KATNIP: variants seen among roughly 807,000 people sequenced by gnomAD.
KATNIP encodes katanin-interacting protein.
KATNIP carries 126 observed loss-of-function variants against 174.0 expected under a neutral mutation model. The observed-to-expected ratio is 0.72, with a 90% CI of 0.63 to 0.84. The LOEUF is 0.84. Among genes scored for constraint, KATNIP ranks in the 40% least tolerant of loss-of-function variants. The probability of loss-of-function intolerance (pLI) is 0.00; values close to 1 mark genes in which losing one functional copy is unlikely to be tolerated. For synonymous variants in KATNIP, 810 were observed against 835.7 expected (o/e 0.97, Z 0.53); for missense variants, 1,958 against 2,109.7 (o/e 0.93, Z 1.41).
rs1289039745 is a variant in KATNIP, at chr16:27,761,344, C to T, written c.3632-69C>T. Reference sequence around the variant, plus strand: ...ATAGAGGCCGAATAGCATTCCTCTTCCTGTCTTCATTTTAGATGCCTCCTC... The same window carrying T: ...ATAGAGGCCGAATAGCATTCCTCTTTCTGTCTTCATTTTAGATGCCTCCTC... On this transcript the variant is annotated intron_variant, in intron 18 of 27. Transcript: ENST00000261588. The T allele has an allele frequency of 2.8e-5, 41 of 1,458,140 alleles. No individual in the cohort carries two copies. The Admixed American group carries it at 8.0e-4, about 28-fold the overall frequency. The allele number at this position is 1,458,140 out of a possible 1,614,324, so 90.3% of individuals were successfully genotyped here. A position where few individuals can be genotyped will look rare whatever the true frequency, so the allele number is the denominator to read the frequency against.
chr16:27,660,315 A>G (rs1190643450), intron 6 of KATNIP, among the ~76,000 whole-genome samples: 2 of 152,184 alleles, frequency 1.3e-5, no homozygotes, highest in Non-Finnish European at 2.9e-5. Context: ...TTGGGAGGCC[A>G]AGGTGGGCGG....
chr16:27,677,852 C>T lies in KATNIP; in HGVS notation c.664C>T (p.Leu222=). Residue 222 remains leucine (L), a synonymous_variant, in exon 7 of 28, where the codon CTG becomes TTG. Transcript: ENST00000261588. The part of the protein sequence containing the change: ...LSEPEPEDPA[L]VGHPRHDRPP... Reference sequence around the variant, plus strand: ...TGAGCCTGAGCCAGAGGACCCGGCACTGGTGGGCCATCCCAGACATGACCG... The same window carrying T: ...TGAGCCTGAGCCAGAGGACCCGGCATTGGTGGGCCATCCCAGACATGACCG... The T allele has an allele frequency of 1.2e-6, 2 of 1,614,254 alleles. No homozygotes were observed. The highest frequency in any genetic ancestry group is 2.2e-5 in the South Asian group (2 of 91,082).
chr16:27,641,031 G>A (rs142527453), intron 5 of KATNIP, among the ~76,000 whole-genome samples: 38 of 152,072 alleles, frequency 2.5e-4, no homozygotes, highest in Non-Finnish European at 4.7e-4. Context: ...CCAGCTACTC[G>A]GGAGGCCGAG....
chr16:27,764,067 A>G (rs1055197524), intron 19 of KATNIP, among the ~76,000 whole-genome samples: 2 of 152,220 alleles, frequency 1.3e-5, no homozygotes, highest in Non-Finnish European at 2.9e-5. Context: ...GGCGAAGTCC[A>G]TTAATTCATT....
At chr16:27,713,806 A>G (rs374139362) in intron 13 of KATNIP, among the ~76,000 whole-genome samples, 6,151 of 54,234 alleles carry the variant, frequency 0.11, 530 homozygotes, top group African/African-American at 0.18. Flanking sequence ...GTGTGTGTAT[A>G]TACATATATA....
intron 18 of KATNIP, chr16:27,757,370 CAG>C: frequency 5.8e-6 from 2 of 344,856 alleles, no homozygotes; most frequent in Non-Finnish European, 8.2e-6. Flanking sequence ...GCCACCCAAA[CAG>C]TGTGGACCGA....
At chr16:27,593,332 G>A (rs1169418286) in intron 2 of KATNIP, among the ~76,000 whole-genome samples, 3 of 148,618 alleles carry the variant, frequency 2.0e-5, no homozygotes, top group Non-Finnish European at 4.4e-5. Flanking sequence ...TCCACCTCCC[G>A]GGTTCAAGCA....
At chr16:27,603,411 AT>A (rs2075598003) in intron 2 of KATNIP, among the ~76,000 whole-genome samples, 1 of 152,210 alleles carries the variant, frequency 6.6e-6, no homozygotes, top group Non-Finnish European at 1.5e-5. Context: ...GACCAAGGGC[AT>A]TTTGGAGGTG....
At chr16:27,655,400 ATTATTTAT>A (rs557649469) in intron 6 of KATNIP, among the ~76,000 whole-genome samples, 9 of 148,586 alleles carry the variant, frequency 6.1e-5, no homozygotes, top group African/African-American at 2.0e-4. Context: ...TGTCCAGCCA[ATTATTTAT>A]TTATTTATTT....
intron 13 of KATNIP, among the ~76,000 whole-genome samples, chr16:27,709,902 G>A (rs935033544): frequency 2.6e-5 from 4 of 152,170 alleles, no homozygotes; most frequent in African/African-American, 9.7e-5. Flanking sequence ...ACTACAGCTT[G>A]GAGAAGGGCA....
Position 27,749,993 on chromosome 16 carries a change from A to G in KATNIP, c.3033A>G (p.Ile1011Met), listed in dbSNP as rs528984867. 71 of 1,614,172 alleles carry G rather than the reference A, an allele frequency of 4.4e-5. No homozygotes were observed. The South Asian group carries it at 7.2e-4, about 16-fold the overall frequency. The stretch of plus-strand genomic sequence containing the variant: ...GTGAACCGGTGCAGATTTCAAACAT[A>G]AAAGCAGACCCTCCCGATATCAATA... The part of the protein sequence containing the change: ...SKGEPVQISN[I>M]KADPPDINIL... The change falls in exon 16 of 28, where the codon ATA (isoleucine) becomes ATG (methionine). Residue 1011 changes from isoleucine to methionine, a missense_variant. Ile to Met is a conservative substitution (Grantham distance 10). Coordinates refer to ENST00000261588, the MANE Select transcript of KATNIP (RefSeq NM_015202.5).
rs543710088 is a variant in KATNIP at position 27,605,355 on chromosome 16, A to C, written c.64-13070A>C. On this transcript the variant is annotated intron_variant, in intron 2 of 27. Transcript: ENST00000261588. ...AAATGCTCGTTATTTTCCACTGGAC[A>C]TGGATTGAAAATGATGTTTTAGATA... Among the ~76,000 whole-genome samples, 19 of 152,364 alleles carry C rather than the reference A, an allele frequency of 1.2e-4. No individual in the cohort carries two copies. The South Asian group carries it at 3.9e-3, about 32-fold the overall frequency.
intron 14 of KATNIP, among the ~76,000 whole-genome samples, chr16:27,734,149 C>A (rs1267006614): frequency 6.6e-6 from 1 of 151,858 alleles, no homozygotes; most frequent in Admixed American, 6.6e-5. Flanking sequence ...GTGGCACAAT[C>A]TCGGCTCACT....
chr16:27,662,886 A>G (rs1416309661), intron 6 of KATNIP, among the ~76,000 whole-genome samples: 4 of 152,176 alleles, frequency 2.6e-5, no homozygotes, highest in African/African-American at 9.7e-5. Flanking sequence ...GTTTAGAAGT[A>G]AGTTGAGTAT....
At chr16:27,725,823 C>G (rs1316622694) in intron 14 of KATNIP, among the ~76,000 whole-genome samples, 1 of 152,206 alleles carries the variant, frequency 6.6e-6, no homozygotes, top group Non-Finnish European at 1.5e-5. Flanking sequence ...CCAGCCTGGT[C>G]ACACCAGGAA....
intron 6 of KATNIP, among the ~76,000 whole-genome samples, chr16:27,674,116 A>G (rs536856000): frequency 6.6e-6 from 1 of 152,352 alleles, no homozygotes; most frequent in Admixed American, 6.5e-5. Context: ...ACACCACTGC[A>G]CTGGGCAACA....
At chr16:27,697,025 G>A (rs56265493) in intron 8 of KATNIP, among the ~76,000 whole-genome samples, 12,791 of 152,022 alleles carry the variant, frequency 0.084, 593 homozygotes, top group African/African-American at 0.11. Context: ...CACCACACCC[G>A]GCCTCCACAT....
chr16:27,752,390 A>G (rs2081555365), intron 17 of KATNIP, among the ~76,000 whole-genome samples: 1 of 152,224 alleles, frequency 6.6e-6, no homozygotes, highest in Non-Finnish European at 1.5e-5. Flanking sequence ...TTTCACCCTC[A>G]TGACAACCCT....
intron 16 of KATNIP, among the ~76,000 whole-genome samples, 177 bp downstream of exon 16, chr16:27,750,483 G>A (rs1401671748): frequency 6.7e-6 from 1 of 149,224 alleles, no homozygotes; most frequent in Non-Finnish European, 1.5e-5. Context: ...GCAGTGGCGC[G>A]ATCTTGGCTC....
Sources: allele counts gnomAD v4.1 joint callset (sites outside exome capture counted in the v4.1 genomes callset), GRCh38; gene constraint gnomAD v4.1.1; transcripts MANE v1.5; gene names NCBI Gene and HGNC (gene_info 2026-07-23, HGNC 2026-07-21).